The following NFIX variants were observed in gnomAD, a reference collection of about 807,000 sequenced individuals.
NFIX encodes the protein nuclear factor I X, also known as nuclear factor 1 X-type.
In NFIX, 2 loss-of-function variants were observed where a neutral mutation model predicts 53.3. The ratio of observed to expected loss-of-function variants is 0.04; its 90% CI spans 0.02 to 0.12. The LOEUF (loss-of-function observed/expected upper bound fraction) is 0.12. Among genes scored for constraint, NFIX ranks in the 10% least tolerant of loss-of-function variants. The pLI is 1.00. For synonymous variants in NFIX, 244 were observed against 289.0 expected, an observed-to-expected ratio of 0.84 and a Z score of 1.58; for missense variants, 310 against 674.5, an observed-to-expected ratio of 0.46 and a Z score of 5.99.
rs1056114167 is a variant in NFIX at position 13,012,482 on chromosome 19, G to T, written c.28-12539G>T. Among the ~76,000 whole-genome samples the T allele has an allele frequency of 1.3e-5, 2 of 152,058 alleles. No individual in the cohort carries two copies. The highest frequency in any genetic ancestry group is 1.3e-4 in the Admixed American group (2 of 15,272). Reference sequence around the variant, plus strand: ...CCCCCCAAAAAGTGACCCCGCGCTGGTGGGCATGGAGGACTGTCCCAGTTC... The same window carrying T: ...CCCCCCAAAAAGTGACCCCGCGCTGTTGGGCATGGAGGACTGTCCCAGTTC... On this transcript the variant is annotated intron_variant, in intron 1 of 10. Transcript: ENST00000592199. This position sits in a 1 kb window ranked among gnomAD's most constrained non-coding sequence, Gnocchi z 5.0.
At position 13,072,361 on chromosome 19, in the gene NFIX, G is replaced by A. The variant is rs1250208377; in HGVS notation, c.560-686G>A. On this transcript the variant is annotated intron_variant, in intron 2 of 10. Transcript: ENST00000592199. This position sits in a 1 kb window ranked among gnomAD's most constrained non-coding sequence, Gnocchi z 4.0. ...CCCTCTGAGCAGCTGTGGCACCGGGGCATGAGACAGCCCAGACAGGCTGGC... is the reference window on the plus strand; with the variant it reads ...CCCTCTGAGCAGCTGTGGCACCGGGACATGAGACAGCCCAGACAGGCTGGC... 2.0e-5 allele frequency among the ~76,000 whole-genome samples: 3 copies of A among 152,264 alleles called. No homozygotes were observed. The East Asian group carries it at 5.8e-4, about 29-fold the overall frequency.
intron 2 of NFIX, among the ~76,000 whole-genome samples, chr19:13,041,612 C>T (rs570601138): frequency 4.3e-4 from 65 of 152,084 alleles, no homozygotes; most frequent in Middle Eastern, 3.4e-3. Flanking sequence ...CTGACCAACA[C>T]GGTGAAACCC....
In NFIX at chr19:13,037,278, C is replaced by T. The variant is rs1446154556; in HGVS notation, c.559+11726C>T. On this transcript the variant is annotated intron_variant, in intron 2 of 10. Transcript: ENST00000592199. The surrounding 1 kb of genome is among the most constrained non-coding windows in gnomAD (Gnocchi z 4.2). ...CTCTACAGGGCTCTGGGGCCACTTGCTTAAGGGAGACCCGACTTCTGCACC... is the reference window on the plus strand; with the variant it reads ...CTCTACAGGGCTCTGGGGCCACTTGTTTAAGGGAGACCCGACTTCTGCACC... Among the ~76,000 whole-genome samples, 1 of 152,146 alleles carries T rather than the reference C, an allele frequency of 6.6e-6. No homozygotes were observed. Among genetic ancestry groups the T allele is most frequent in the African/African-American group, 2.4e-5 (1 of 41,422 alleles).
intron 1 of NFIX, among the ~76,000 whole-genome samples, chr19:12,999,048 G>A (rs1404676114): frequency 6.6e-6 from 1 of 152,150 alleles, no homozygotes; most frequent in South Asian, 2.1e-4. Flanking sequence ...ACACAAATGT[G>A]TGTTCACCCC....
Position 13,011,934 on chromosome 19 carries a change from CAGG to C in NFIX, c.28-13080_28-13078del, listed in dbSNP as rs750325700. 1.1e-4 allele frequency among the ~76,000 whole-genome samples: 16 copies of C among 152,132 alleles called. No individual in the cohort carries two copies. The highest frequency in any genetic ancestry group is 2.1e-4 in the Non-Finnish European group (14 of 68,008). ...TGGGGAGGTCTCCCCAGGGCCCAGG[CAGG>C]AGGAGGGAAGGTCGTGTGCTTTCCA... On this transcript the variant is annotated intron_variant, in intron 1 of 10. Coordinates refer to ENST00000592199, the MANE Select transcript of NFIX (RefSeq NM_001365902.3). The surrounding 1 kb of genome is among the most constrained non-coding windows in gnomAD (Gnocchi z 6.5).
Position 13,078,805 on chromosome 19 carries a change from G to GTGAAGGGGCCAGAGC in NFIX, c.1078+74_1078+88dup. On this transcript the variant is annotated intron_variant, in intron 7 of 10. Transcript: ENST00000592199. This position sits in a 1 kb window ranked among gnomAD's most constrained non-coding sequence, Gnocchi z 4.7. ...TGAGTATCTAGGGGCAGCTGGCCAG[G>GTGAAGGGGCCAGAGC]TGAAGGGGCCAGAGCTGACCCCGAG... 1 of 1,518,218 alleles carries GTGAAGGGGCCAGAGC rather than the reference G, an allele frequency of 6.6e-7. No individual in the cohort carries two copies. The highest frequency in any genetic ancestry group is 8.9e-7 in the Non-Finnish European group (1 of 1,123,976). 94.0% of individuals were successfully genotyped at this position (1,518,218 alleles called of 1,614,324 possible).
intron 2 of NFIX, among the ~76,000 whole-genome samples, chr19:13,038,596 G>A (rs866304561): frequency 6.6e-6 from 1 of 152,210 alleles, no homozygotes; most frequent in African/African-American, 2.4e-5. Flanking sequence ...AGAAGTTTCC[G>A]TTTAGCCCGG....
rs907722727 is a variant in NFIX at position 13,012,695 on chromosome 19, G to A, written c.28-12326G>A. Among the ~76,000 whole-genome samples the A allele has an allele frequency of 2.0e-5, 3 of 152,244 alleles. No homozygotes were observed. The highest frequency in any genetic ancestry group is 2.0e-4 in the Admixed American group (3 of 15,290). Reference sequence around the variant, plus strand: ...ATGCGCGTTGGAGGGCTTTGGCCGTGAATGCGATGTTGATGATTGCTGTGA... The same window carrying A: ...ATGCGCGTTGGAGGGCTTTGGCCGTAAATGCGATGTTGATGATTGCTGTGA... On this transcript the variant is annotated intron_variant, in intron 1 of 10. Coordinates refer to ENST00000592199, the MANE Select transcript of NFIX (RefSeq NM_001365902.3). This position sits in a 1 kb window ranked among gnomAD's most constrained non-coding sequence, Gnocchi z 5.0.
Position 13,073,320 on chromosome 19 carries a change from G to C in NFIX, c.623-102G>C, listed in dbSNP as rs866919069. The C allele has an allele frequency of 1.3e-5, 14 of 1,104,500 alleles. No homozygotes were observed. The Middle Eastern group carries it at 7.9e-4, about 62-fold the overall frequency. 68.4% of individuals were successfully genotyped at this position (1,104,500 alleles called of 1,614,324 possible). On this transcript the variant is annotated intron_variant, in intron 3 of 10. Transcript: ENST00000592199. The surrounding 1 kb of genome is among the most constrained non-coding windows in gnomAD (Gnocchi z 4.5). ...TGAGGGCTAGCCTGGAGCTGGAAAC[G>C]GGACTTGGGAGGGAGAAGCAACAGT... is the stretch of plus-strand genomic sequence containing the variant.
intron 2 of NFIX, among the ~76,000 whole-genome samples, chr19:13,050,951 C>T (rs1054894998): frequency 6.6e-6 from 1 of 152,196 alleles, no homozygotes; most frequent in African/African-American, 2.4e-5. Flanking sequence ...CAGACCAGCC[C>T]CCTTGGAGAT....
In NFIX at chr19:13,083,784, C is replaced by T. The variant is rs910766580; in HGVS notation, c.1254+1929C>T. Among the ~76,000 whole-genome samples, 14 of 152,308 alleles carry T rather than the reference C, an allele frequency of 9.2e-5. No individual in the cohort carries two copies. In the East Asian group the frequency reaches 1.4e-3, roughly 15 times the overall value. On this transcript the variant is annotated intron_variant, in intron 8 of 10. Coordinates refer to ENST00000592199, the MANE Select transcript of NFIX (RefSeq NM_001365902.3). ...GAGCCTGCTTGATGGAGCCCACGCC[C>T]GGCTTCTGGGAGGAGGCTAGAGACA...
rs553724823 is a variant in NFIX at position 13,030,033 on chromosome 19, G to T, written c.559+4481G>T. ...GGGAGGGTCCACAGGAGCACCCGCCGCTTTCTCCAGGTCCACCCCCACCAT... is the reference window on the plus strand; with the variant it reads ...GGGAGGGTCCACAGGAGCACCCGCCTCTTTCTCCAGGTCCACCCCCACCAT... On this transcript the variant is annotated intron_variant, in intron 2 of 10. Transcript: ENST00000592199. Among the ~76,000 whole-genome samples, 16 of 152,274 alleles carry T rather than the reference G, an allele frequency of 1.1e-4. No homozygotes were observed. In the South Asian group the frequency reaches 2.9e-3, roughly 28 times the overall value.
At chr19:13,087,273 A>C (rs1407539026) in intron 8 of NFIX, among the ~76,000 whole-genome samples, 1 of 152,210 alleles carries the variant, frequency 6.6e-6, no homozygotes, top group Admixed American at 6.5e-5. Flanking sequence ...CAAGGAATGC[A>C]TCCTGGCAGC....
chr19:13,000,028 C>A (rs187385165), intron 1 of NFIX, among the ~76,000 whole-genome samples: 1 of 152,276 alleles, frequency 6.6e-6, no homozygotes, highest in East Asian at 1.9e-4. Flanking sequence ...AGGGCTCTGC[C>A]GGGAACAGGG....
At chr19:13,038,544 G>T (rs1257759023) in intron 2 of NFIX, among the ~76,000 whole-genome samples, 2 of 152,204 alleles carry the variant, frequency 1.3e-5, no homozygotes, top group Admixed American at 6.5e-5. Flanking sequence ...GGCACATGGA[G>T]TTTACAGAAA....
intron 2 of NFIX, chr19:13,071,224 A>C (rs143097497): frequency 1.3e-5 from 2 of 152,370 alleles, no homozygotes; most frequent in Non-Finnish European, 2.9e-5. Flanking sequence ...TAGAGCAACC[A>C]CAGGACTGGG....
At chr19:13,075,441 G>A (rs2017037162) in intron 5 of NFIX, 94 bp from the exon 6 acceptor site, 6 of 1,376,316 alleles carry the variant, frequency 4.4e-6, no homozygotes, top group Non-Finnish European at 5.9e-6. Flanking sequence ...CACCCAGAGG[G>A]CCATCTATGC....
chr19:13,032,067 G>C (rs1367268121), intron 2 of NFIX, among the ~76,000 whole-genome samples: 1 of 152,104 alleles, frequency 6.6e-6, no homozygotes, highest in Non-Finnish European at 1.5e-5. Context: ...CCCCAGCCGT[G>C]TCAGCGCGGT....
At chr19:12,995,906 G>A in intron 1 of NFIX, 42 bp downstream of exon 1, 1 of 950,632 alleles carries the variant, frequency 1.1e-6, no homozygotes, top group Non-Finnish European at 1.2e-6. Flanking sequence ...AGGGGAGCGG[G>A]CGCGGGAGGC....
Sources: gnomAD v4.1 joint callset for allele counts (sites outside exome capture counted in the v4.1 genomes callset) on GRCh38, gnomAD v4.1.1 for gene constraint, Gnocchi (gnomAD v3.1) non-coding constraint, MANE v1.5 for transcripts, NCBI Gene and HGNC (gene_info 2026-07-23, HGNC 2026-07-21) for gene names.